Variants in MED13L observed in about 807,000 individuals in gnomAD.
MED13L encodes mediator of RNA polymerase II transcription subunit 13-like.
In MED13L, 7 loss-of-function variants were observed where a neutral mutation model predicts 220.9. That is an observed-to-expected ratio of 0.03 (90% CI 0.02 to 0.06). The LOEUF is 0.06. Among genes scored for constraint, MED13L ranks in the 10% least tolerant of loss-of-function variants. The probability of loss-of-function intolerance (pLI) is 1.00; values close to 1 mark genes in which losing one functional copy is unlikely to be tolerated. For synonymous variants in MED13L, 1,011 were observed against 1,015.2 expected (o/e 1.00, Z 0.08); for missense variants, 1,965 against 2,760.5 (o/e 0.71, Z 6.46).
At chr12:116,223,340 A>T (rs940100904) in intron 2 of MED13L, among the ~76,000 whole-genome samples, 3 of 152,190 alleles carry the variant, frequency 2.0e-5, no homozygotes, top group Non-Finnish European at 4.4e-5. Flanking sequence ...ACTAAAAAAA[A>T]ATATGAAGAA....
intron 1 of MED13L, among the ~76,000 whole-genome samples, chr12:116,240,547 T>G (rs1310382436): frequency 6.6e-5 from 10 of 151,284 alleles, no homozygotes; most frequent in Non-Finnish European, 1.5e-4. Flanking sequence ...TTTTTTTTTT[T>G]TTGGAGACGG....
At chr12:116,184,624 G>A (rs1880756156) in intron 2 of MED13L, among the ~76,000 whole-genome samples, 1 of 152,176 alleles carries the variant, frequency 6.6e-6, no homozygotes, top group Non-Finnish European at 1.5e-5. Context: ...AGTCTACGGA[G>A]ATGTCAATTA....
chr12:116,088,620 G>C (rs547879128), intron 4 of MED13L, among the ~76,000 whole-genome samples: 1 of 151,860 alleles, frequency 6.6e-6, no homozygotes, highest in Admixed American at 6.6e-5. Context: ...AGAAACCCTA[G>C]GATAAAAGAA....
intron 2 of MED13L, among the ~76,000 whole-genome samples, chr12:116,176,856 T>C (rs923319080): frequency 2.4e-5 from 3 of 127,588 alleles, no homozygotes; most frequent in Non-Finnish European, 4.7e-5. Flanking sequence ...GTGGTACATA[T>C]GCAGAATCGA....
intron 14 of MED13L, among the ~76,000 whole-genome samples, chr12:116,000,674 T>C (rs1246524957): frequency 1.3e-5 from 2 of 152,232 alleles, no homozygotes; most frequent in Non-Finnish European, 2.9e-5. Context: ...TGCGAAAATT[T>C]GTAAGAAAGT....
intron 2 of MED13L, among the ~76,000 whole-genome samples, chr12:116,120,477 T>TCTCTCTCTCACACA (rs1257256737): frequency 1.3e-5 from 1 of 79,428 alleles, no homozygotes; most frequent in African/African-American, 5.1e-5. Context: ...TCTCTCTCTC[T>TCTCTCTCTCACACA]CACACACACA....
intron 4 of MED13L, among the ~76,000 whole-genome samples, chr12:116,048,196 A>G (rs1485693454): frequency 6.6e-6 from 1 of 152,212 alleles, no homozygotes; most frequent in East Asian, 1.9e-4. Flanking sequence ...GCCTATCACT[A>G]GTCACAAAGG....
chr12:116,031,751 AAAAGAAAAG>A (rs1566020857), intron 4 of MED13L, among the ~76,000 whole-genome samples: 2 of 31,946 alleles, frequency 6.3e-5, no homozygotes, highest in African/African-American at 2.5e-4. Context: ...AAAAGAAAAG[AAAAGAAAAG>A]AAGGAAGGAA....
chr12:116,263,591 G>A (rs1029855396), intron 1 of MED13L, among the ~76,000 whole-genome samples: 2 of 152,134 alleles, frequency 1.3e-5, no homozygotes, highest in African/African-American at 4.8e-5. Flanking sequence ...ATCTTACTAG[G>A]CAGTCTCCAA....
intron 4 of MED13L, among the ~76,000 whole-genome samples, chr12:116,088,135 C>A (rs1263516513): frequency 6.6e-6 from 1 of 152,140 alleles, no homozygotes; most frequent in Admixed American, 6.5e-5. Flanking sequence ...TCCTCATTCT[C>A]ATCACAGTTG....
chr12:116,200,947 CAG>C (rs1354223170), intron 2 of MED13L, among the ~76,000 whole-genome samples: 2 of 152,164 alleles, frequency 1.3e-5, no homozygotes, highest in East Asian at 3.9e-4. Flanking sequence ...TGGGTTAAAA[CAG>C]ATACAGATCA....
chr12:116,247,458 A>G (rs1447656908), intron 1 of MED13L, among the ~76,000 whole-genome samples: 1 of 152,202 alleles, frequency 6.6e-6, no homozygotes, highest in Non-Finnish European at 1.5e-5. Flanking sequence ...TCTCCATTTT[A>G]GACTATTAAA....
intron 2 of MED13L, among the ~76,000 whole-genome samples, chr12:116,126,318 G>C (rs969359130): frequency 9.2e-5 from 14 of 152,338 alleles, no homozygotes; most frequent in Middle Eastern, 3.4e-3. Context: ...AATCTGGCTA[G>C]AATGGCATTT....
intron 1 of MED13L, among the ~76,000 whole-genome samples, chr12:116,241,408 A>G (rs1870641490): frequency 6.6e-6 from 1 of 152,106 alleles, no homozygotes; most frequent in Non-Finnish European, 1.5e-5. Context: ...AACCTTATTT[A>G]AAGTGTTAGA....
intron 2 of MED13L, among the ~76,000 whole-genome samples, chr12:116,116,132 A>G (rs1016957466): frequency 7.9e-5 from 12 of 152,278 alleles, no homozygotes; most frequent in Admixed American, 3.3e-4. Context: ...ACTAGTGGCT[A>G]AAGAAATGAC....
intron 4 of MED13L, chr12:116,082,699 AAG>A (rs1289051686): frequency 3.3e-5 from 5 of 152,180 alleles, no homozygotes; most frequent in Non-Finnish European, 7.3e-5. Flanking sequence ...AGAAAAAAAA[AAG>A]AACTCCATAT....
intron 3 of MED13L, among the ~76,000 whole-genome samples, chr12:116,108,095 A>C (rs1035426749): frequency 1.3e-5 from 2 of 151,740 alleles, no homozygotes; most frequent in African/African-American, 4.8e-5. Flanking sequence ...ATCTCAAAAC[A>C]AACAAACAAA....
chr12:116,133,810 T>G (rs1876283561), intron 2 of MED13L, among the ~76,000 whole-genome samples: 1 of 152,124 alleles, frequency 6.6e-6, no homozygotes, highest in Non-Finnish European at 1.5e-5. Flanking sequence ...GAAGATCACT[T>G]TTGGAGTGCA....
At chr12:116,200,078 T>C (rs1224183287) in intron 2 of MED13L, among the ~76,000 whole-genome samples, 2 of 68,372 alleles carry the variant, frequency 2.9e-5, no homozygotes, top group African/African-American at 1.2e-4. Context: ...AGGATGCTTT[T>C]CAAAAAAAAA....
Sources: gnomAD v4.1 joint callset for allele counts (sites outside exome capture counted in the v4.1 genomes callset) on GRCh38, gnomAD v4.1.1 for gene constraint, MANE v1.5 for transcripts, NCBI Gene and HGNC (gene_info 2026-07-23, HGNC 2026-07-21) for gene names.